The following DNAH2 variants were observed in gnomAD, a reference collection of about 807,000 sequenced individuals.
DNAH2 encodes axonemal beta dynein heavy chain 2.
In DNAH2, 323 loss-of-function variants were observed where a neutral mutation model predicts 523.5. That is an observed-to-expected ratio of 0.62 (90% CI 0.56 to 0.68). The LOEUF is 0.68. Ranked by LOEUF, DNAH2 falls within the 30% of genes least tolerant of loss-of-function variation. The probability of loss-of-function intolerance (pLI) is 0.00; values close to 1 mark genes in which losing one functional copy is unlikely to be tolerated. For synonymous variants in DNAH2, 2,093 were observed against 2,177.4 expected, an observed-to-expected ratio of 0.96 and a Z score of 1.08; for missense variants, 4,907 against 5,701.5, an observed-to-expected ratio of 0.86 and a Z score of 4.49.
intron 28 of DNAH2, among the ~76,000 whole-genome samples, 173 bp from the exon 29 acceptor site, chr17:7,774,586 A>G (rs1048897193): frequency 6.6e-6 from 1 of 152,186 alleles, no homozygotes; most frequent in Admixed American, 6.6e-5. Flanking sequence ...ATTAACAGAG[A>G]GAATGGGTTG....
intron 2 of DNAH2, among the ~76,000 whole-genome samples, chr17:7,721,055 C>T (rs2074589554): frequency 6.7e-6 from 1 of 148,904 alleles, no homozygotes; most frequent in African/African-American, 2.5e-5. Flanking sequence ...GTCTCCCAGC[C>T]TGGAGTGCAT....
chr17:7,727,768 A>AT (rs1484315386), intron 4 of DNAH2, among the ~76,000 whole-genome samples: 1 of 151,426 alleles, frequency 6.6e-6, no homozygotes, highest in Non-Finnish European at 1.5e-5. Flanking sequence ...AAAAAAAAAA[A>AT]AAAAAAAAAA....
At chr17:7,766,514 GTCGA>G in intron 22 of DNAH2, 33 bp downstream of exon 22, 1 of 1,606,668 alleles carries the variant, frequency 6.2e-7, no homozygotes, top group Non-Finnish European at 8.5e-7. Context: ...TGTGGTCACT[GTCGA>G]TAAGGGGCAG....
chr17:7,778,554 T>G, intron 35 of DNAH2, 85 bp downstream of exon 35: 1 of 1,309,074 alleles, frequency 7.6e-7, no homozygotes, highest in South Asian at 1.5e-5. Flanking sequence ...TCTGGTTCAG[T>G]GCTTTGTAGC....
At chr17:7,736,145 G>A (rs1490071786) in intron 7 of DNAH2, among the ~76,000 whole-genome samples, 1 of 152,120 alleles carries the variant, frequency 6.6e-6, no homozygotes, top group African/African-American at 2.4e-5. Context: ...AAAGTGTTGA[G>A]ATTATAGGTG....
At position 7,792,856 on chromosome 17, in the gene DNAH2, G is replaced by A. The variant is rs1467108332; in HGVS notation, c.7344+1G>A. 1 of 1,611,442 alleles carries A rather than the reference G, an allele frequency of 6.2e-7. No homozygotes were observed. The highest frequency in any genetic ancestry group is 8.5e-7 in the Non-Finnish European group (1 of 1,177,726). On this transcript the variant is annotated splice_donor_variant, in intron 47 of 85. Coordinates refer to ENST00000572933, the MANE Select transcript of DNAH2 (RefSeq NM_020877.5). LOFTEE classifies it high-confidence loss of function. ...GCTCGTTGTCAACATGTCCGCACAGGTGTGTCGGGGATCCAGGGGCCAGGC... is the reference window on the plus strand; with the variant it reads ...GCTCGTTGTCAACATGTCCGCACAGATGTGTCGGGGATCCAGGGGCCAGGC...
rs146362558 is a variant in DNAH2 at position 7,747,359 on chromosome 17, C to T, written c.1904+4217C>T. Among the ~76,000 whole-genome samples, 67 of 152,170 alleles carry T rather than the reference C, an allele frequency of 4.4e-4. No homozygotes were observed. The East Asian group carries it at 0.011, about 25-fold the overall frequency. The stretch of plus-strand genomic sequence containing the variant: ...TTACTTAATTCTTTTTCCTGGCTTG[C>T]AGTATGAAATCATAGTATGGCTGTA... On this transcript the variant is annotated intron_variant, in intron 12 of 85. Transcript: ENST00000572933.
rs968311988 is a variant in DNAH2, at chr17:7,718,553, G to C, written c.-261G>C. On this transcript the variant is annotated 5_prime_UTR_variant, in exon 1 of 86. Coordinates refer to ENST00000572933, the MANE Select transcript of DNAH2 (RefSeq NM_020877.5). The stretch of plus-strand genomic sequence containing the variant: ...GCTTCCTGCCATCCTACCTTTCTGA[G>C]AGAGGCACCACTGTGACCTTCCTCG... 1 of 152,280 alleles carries C rather than the reference G, an allele frequency of 6.6e-6. No homozygotes were observed. Among genetic ancestry groups the C allele is most frequent in the African/African-American group, 2.4e-5 (1 of 41,436 alleles). The allele number at this position is 152,280 out of a possible 1,614,324, so 9.4% of individuals were successfully genotyped here.
At position 7,797,513 on chromosome 17, in the gene DNAH2, A is replaced by G. The variant is rs200178145; in HGVS notation, c.8063A>G (p.Lys2688Arg). The change falls in exon 52 of 86, where the codon AAG (lysine) becomes AGG (arginine). Residue 2688 changes from lysine (K) to arginine (R), a missense_variant. Lys to Arg is a conservative substitution (Grantham distance 26). Around this residue, in one of 3 missense-constraint regions of DNAH2, gnomAD observed 250 missense variants for 371.3 expected, o/e 0.67. Transcript: ENST00000572933. Reference protein sequence around the residue: ...DLTFHHLCPSKRPPIFGDFLK... With the variant: ...DLTFHHLCPSRRPPIFGDFLK... The stretch of plus-strand genomic sequence containing the variant: ...ACATTTCATCATCTCTGTCCCAGCA[A>G]GCGTCCTCCTATCTTTGGTGAGCCA... The G allele has an allele frequency of 1.5e-4, 240 of 1,614,172 alleles. 3 individuals carry two copies. Among genetic ancestry groups the G allele is most frequent in the Middle Eastern group, 3.3e-4 (2 of 6,062 alleles).
intron 63 of DNAH2, among the ~76,000 whole-genome samples, chr17:7,812,696 G>C (rs566154210): frequency 6.7e-6 from 1 of 149,970 alleles, no homozygotes; most frequent in African/African-American, 2.5e-5. Context: ...CGAGGTGTGC[G>C]GATCACCCAA....
intron 45 of DNAH2, 79 bp downstream of exon 45, chr17:7,792,148 G>C (rs2076915156): frequency 6.2e-7 from 1 of 1,601,374 alleles, no homozygotes; most frequent in African/African-American, 1.3e-5. Context: ...GCTCTGCTTG[G>C]GTTTCCCTCT....
Position 7,759,541 on chromosome 17 carries a change from G to A in DNAH2, c.2568G>A (p.Lys856=). 6.2e-7 allele frequency: 1 copy of A among 1,614,190 alleles called. No individual in the cohort carries two copies. Among genetic ancestry groups the A allele is most frequent in the Non-Finnish European group, 8.5e-7 (1 of 1,180,046 alleles). The stretch of plus-strand genomic sequence containing the variant: ...CCAAGGCTATCAACGGGGATGGAAA[G>A]ACCAGCCCAAACCCACTCTTCCAAG... ...ELSKAINGDG[K]TSPNPLFQVL... is the part of the protein sequence containing the mutation. Residue 856 remains lysine, a synonymous_variant, in exon 16 of 86, where the codon AAG becomes AAA. Coordinates refer to ENST00000572933, the MANE Select transcript of DNAH2 (RefSeq NM_020877.5).
intron 48 of DNAH2, 45 bp downstream of exon 48, chr17:7,793,250 G>T: frequency 1.3e-6 from 2 of 1,587,996 alleles, no homozygotes; most frequent in South Asian, 2.3e-5. Context: ...GCTCCTTCTG[G>T]GATAGGCTCA....
At position 7,796,457 on chromosome 17, in the gene DNAH2, T is replaced by C; in HGVS notation, c.7675-7T>C. The C allele has an allele frequency of 6.2e-7, 1 of 1,613,656 alleles. No individual in the cohort carries two copies. Among genetic ancestry groups the C allele is most frequent in the Non-Finnish European group, 8.5e-7 (1 of 1,179,830 alleles). On this transcript the variant is annotated splice_region_variant and splice_polypyrimidine_tract_variant and intron_variant, in intron 49 of 85. Coordinates refer to ENST00000572933, the MANE Select transcript of DNAH2 (RefSeq NM_020877.5). ...GCCCTGGAGAGTGAGCCAGGGTCTG[T>C]TTCTAGAAGTCCCAGATCATCCGCA... is the stretch of plus-strand genomic sequence containing the variant.
At position 7,823,947 on chromosome 17, in the gene DNAH2, C is replaced by A; in HGVS notation, c.11443C>A (p.Arg3815Ser). Reference sequence around the variant, plus strand: ...CTTCATCATCACCAACCTTGGCTCCCGCTTCATCGAGCCGCCTGTGCTGAA... The same window carrying A: ...CTTCATCATCACCAACCTTGGCTCCAGCTTCATCGAGCCGCCTGTGCTGAA... Reference protein sequence around the residue: ...TSFIITNLGSRFIEPPVLNMK... With the variant: ...TSFIITNLGSSFIEPPVLNMK... Residue 3815 changes from arginine to serine, a missense_variant, in exon 75 of 86, where the codon CGC becomes AGC. Coordinates refer to ENST00000572933, the MANE Select transcript of DNAH2 (RefSeq NM_020877.5). 6.2e-7 allele frequency: 1 copy of A among 1,613,828 alleles called. No individual in the cohort carries two copies. Among genetic ancestry groups the A allele is most frequent in the Non-Finnish European group, 8.5e-7 (1 of 1,180,042 alleles).
At chr17:7,727,083 C>A (rs1216340951) in intron 3 of DNAH2, 39 bp from the exon 4 acceptor site, 1 of 1,495,874 alleles carries the variant, frequency 6.7e-7, no homozygotes, top group South Asian at 1.5e-5. Flanking sequence ...CTCATCCTGG[C>A]AGTTGTAGTT....
rs541954752 is a variant in DNAH2, at chr17:7,736,757, G to T, written c.979-310G>T. Among the ~76,000 whole-genome samples the T allele has an allele frequency of 4.6e-5, 7 of 152,262 alleles. No individual in the cohort carries two copies. In the South Asian group the frequency reaches 1.5e-3, roughly 32 times the overall value. On this transcript the variant is annotated intron_variant, in intron 7 of 85. Transcript: ENST00000572933. ...AGCACTTTGGGAGGCTGAGGCAGGT[G>T]GATTACTCAAAGTCAGGAGTTCGAG... is the stretch of plus-strand genomic sequence containing the variant.
In DNAH2 at chr17:7,766,452, C is replaced by T. The variant is rs374248917; in HGVS notation, c.3646C>T (p.Pro1216Ser). The T allele has an allele frequency of 1.2e-5, 19 of 1,613,780 alleles. No individual in the cohort carries two copies. Among genetic ancestry groups the T allele is most frequent in the African/African-American group, 2.7e-5 (2 of 74,880 alleles). Reference protein sequence around the residue: ...NLGIFKIEQPPSKDLQNLEKE... With the variant: ...NLGIFKIEQPSSKDLQNLEKE... ...GGGCATCTTCAAGATCGAGCAGCCA[C>T]CCTCCAAGGACCTTCAGAACCTGGA... The change falls in exon 22 of 86, where the codon CCC becomes TCC. Residue 1216 changes from proline (P) to serine (S), a missense_variant. This residue lies in a region of DNAH2 where 2,806 missense variants were observed against 3,190.8 expected (regional missense o/e 0.88). Transcript: ENST00000572933.
Position 7,780,482 on chromosome 17 carries a change from T to C in DNAH2, c.5851-148T>C. 2.2e-6 allele frequency: 3 copies of C among 1,388,516 alleles called. No homozygotes were observed. The highest frequency in any genetic ancestry group is 1.4e-5 in the African/African-American group (1 of 69,460). The allele number at this position is 1,388,516 out of a possible 1,614,324, so 86.0% of individuals were successfully genotyped here. A position where few individuals can be genotyped will look rare whatever the true frequency, so the allele number is the denominator to read the frequency against. ...ATATCACTAACTGACAATGGCGTCA[T>C]TCACACAATTTCCTCAGGAGAATCC... is the stretch of plus-strand genomic sequence containing the variant. On this transcript the variant is annotated intron_variant, in intron 37 of 85. Transcript: ENST00000572933. This position sits in a 1 kb window ranked among gnomAD's most constrained non-coding sequence, Gnocchi z 4.4.
Sources: gnomAD v4.1 joint callset for allele counts (sites outside exome capture counted in the v4.1 genomes callset) on GRCh38, gnomAD v4.1.1 for gene constraint, gnomAD v4.1.1 regional missense constraint, Gnocchi (gnomAD v3.1) non-coding constraint, MANE v1.5 for transcripts, NCBI Gene and HGNC (gene_info 2026-07-23, HGNC 2026-07-21) for gene names.